Variants in DNAL1 observed in about 807,000 individuals in gnomAD.
DNAL1 encodes the protein dynein axonemal light chain 1.
Under a neutral mutation model 29.4 loss-of-function variants are expected in DNAL1, and 17 were observed. The observed-to-expected ratio is 0.58, with a 90% CI of 0.40 to 0.87. The LOEUF (loss-of-function observed/expected upper bound fraction) is 0.87. Ranked by LOEUF, DNAL1 falls within the 40% of genes least tolerant of loss-of-function variation. The pLI, the probability that DNAL1 is intolerant of heterozygous loss-of-function variation, is 0.00. For missense variants in DNAL1, 188 were observed against 214.1 expected (o/e 0.88, Z 0.76); for synonymous variants, 78 against 76.3 (o/e 1.02, Z -0.12).
At chr14:73,695,048 C>CTTTTTTTTTT (rs71112798) in intron 7 of DNAL1, among the ~76,000 whole-genome samples, 13 of 60,874 alleles carry the variant, frequency 2.1e-4, no homozygotes, top group African/African-American at 2.1e-4. Flanking sequence ...TACTTGTTGG[C>CTTTTTTTTTT]TTTTTTTTTT....
At chr14:73,685,052 A>C (rs1477581725) in intron 5 of DNAL1, among the ~76,000 whole-genome samples, 1 of 152,238 alleles carries the variant, frequency 6.6e-6, no homozygotes, top group Non-Finnish European at 1.5e-5. Flanking sequence ...CATAAATTTT[A>C]ATAGCTGAGA....
At position 73,695,923 on chromosome 14, in the gene DNAL1, A is replaced by G; in HGVS notation, c.554A>G (p.Asp185Gly). The G allele has an allele frequency of 3.8e-6, 6 of 1,589,446 alleles. No individual in the cohort carries two copies. Among genetic ancestry groups the G allele is most frequent in the South Asian group, 1.1e-5 (1 of 87,172 alleles). ...KLDGTPVIKG[D>G]EEEDN Reference sequence around the variant, plus strand: ...TTAGGTACTCCAGTAATTAAAGGGGATGAGGAAGAAGACAACTAATGCCAC... The same window carrying G: ...TTAGGTACTCCAGTAATTAAAGGGGGTGAGGAAGAAGACAACTAATGCCAC... Residue 185 changes from aspartate (D) to glycine (G), a missense_variant, in exon 8 of 8, where the codon GAT (aspartate) becomes GGT (glycine). Coordinates refer to ENST00000553645, the MANE Select transcript of DNAL1 (RefSeq NM_031427.4).
chr14:73,674,987 T>A (rs1026714915), intron 5 of DNAL1, among the ~76,000 whole-genome samples: 3 of 151,576 alleles, frequency 2.0e-5, no homozygotes, highest in Middle Eastern at 3.4e-3. Flanking sequence ...CTCAGCTAAT[T>A]TTTTTGTATT....
intron 1 of DNAL1, among the ~76,000 whole-genome samples, chr14:73,648,273 T>C (rs1253200100): frequency 1.4e-5 from 2 of 147,332 alleles, no homozygotes; most frequent in Admixed American, 6.7e-5. Context: ...CCACCGCGCC[T>C]GGCCAAGAGT....
In DNAL1 at chr14:73,702,960, GAAAA is replaced by G. The variant is rs986765374; in HGVS notation, c.*7025_*7028del. The G allele has an allele frequency of 1.4e-5, 2 of 146,422 alleles. No individual in the cohort carries two copies. The highest frequency in any genetic ancestry group is 6.8e-5 in the Admixed American group (1 of 14,644). The allele number at this position is 146,422 out of a possible 1,614,324, so 9.1% of individuals were successfully genotyped here. On this transcript the variant is annotated 3_prime_UTR_variant, in exon 8 of 8. Transcript: ENST00000553645. The stretch of plus-strand genomic sequence containing the variant: ...CCCCATCTCTACAAAAAAAAAAAAA[GAAAA>G]AAAAAATTAGTTGGGCATGGCAATG...
chr14:73,657,681 C>T lies in DNAL1; in HGVS notation c.43-1166C>T, dbSNP rs1024553762. On this transcript the variant is annotated intron_variant, in intron 2 of 7. Coordinates refer to ENST00000553645, the MANE Select transcript of DNAL1 (RefSeq NM_031427.4). ...CGATCTCAGCTCACTGCAACCTCTG[C>T]CTCCCGGGTTCAAGCAATTCTCCTG... 5.9e-5 allele frequency among the ~76,000 whole-genome samples: 9 copies of T among 152,338 alleles called. No individual in the cohort carries two copies. In the South Asian group the frequency reaches 1.7e-3, roughly 28 times the overall value.
At chr14:73,655,376 C>T (rs570429054) in intron 2 of DNAL1, among the ~76,000 whole-genome samples, 1 of 147,102 alleles carries the variant, frequency 6.8e-6, no homozygotes, top group South Asian at 2.1e-4. Flanking sequence ...CGGAGTTTCG[C>T]TCTTGTCGCC....
chr14:73,701,311 T>C lies in DNAL1; in HGVS notation c.*5369T>C. The C allele has an allele frequency of 6.6e-6, 1 of 152,222 alleles. No homozygotes were observed. The highest frequency in any genetic ancestry group is 1.9e-4 in the East Asian group (1 of 5,202). 9.4% of individuals were successfully genotyped at this position (152,222 alleles called of 1,614,324 possible). A position where few individuals can be genotyped will look rare whatever the true frequency, so the allele number is the denominator to read the frequency against. On this transcript the variant is annotated 3_prime_UTR_variant, in exon 8 of 8. Transcript: ENST00000553645. ...GACTTCCATAGGGCAGATGGGTAAA[T>C]ATCTAGCCTGCACTTGGATGTTAGA... is the stretch of plus-strand genomic sequence containing the variant.
intron 1 of DNAL1, among the ~76,000 whole-genome samples, chr14:73,652,084 C>T (rs1891124936): frequency 1.3e-5 from 2 of 152,094 alleles, no homozygotes; most frequent in Non-Finnish European, 2.9e-5. Context: ...GTCACCCAGG[C>T]TGAGTGCAGT....
intron 2 of DNAL1, among the ~76,000 whole-genome samples, chr14:73,657,846 C>T (rs759627642): frequency 5.1e-4 from 78 of 152,244 alleles, no homozygotes; most frequent in Non-Finnish European, 9.6e-4. Context: ...CCACCCTCCT[C>T]GGCCTCCCGA....
At chr14:73,682,337 A>AT (rs57403758) in intron 5 of DNAL1, among the ~76,000 whole-genome samples, 14,655 of 93,468 alleles carry the variant, frequency 0.16, 1,584 homozygotes, top group Non-Finnish European at 0.22. Flanking sequence ...TGCCTGGCTA[A>AT]TTTTTTTTTT....
In DNAL1 at chr14:73,649,274, G is replaced by A. The variant is rs375547618; in HGVS notation, c.3+4232G>A. On this transcript the variant is annotated intron_variant, in intron 1 of 7. Transcript: ENST00000553645. ...CAGGCATGAGCCACAGTGCCCGGCT[G>A]ATGTGTTTGACATTTTTTTTTTTTT... Among the ~76,000 whole-genome samples the A allele has an allele frequency of 8.4e-3, 1,239 of 148,376 alleles. 24 individuals carry two copies. The highest frequency in any genetic ancestry group is 0.029 in the African/African-American group (1,171 of 40,230).
intron 5 of DNAL1, among the ~76,000 whole-genome samples, chr14:73,685,942 G>T (rs1035447079): frequency 3.3e-4 from 50 of 152,194 alleles, no homozygotes; most frequent in Middle Eastern, 3.4e-3. Flanking sequence ...CTGAATATGT[G>T]CCCCGAAGTG....
intron 7 of DNAL1, 61 bp from the exon 8 acceptor site, chr14:73,695,841 T>TC: frequency 1.4e-6 from 2 of 1,437,594 alleles, no homozygotes; most frequent in Non-Finnish European, 9.5e-7. Context: ...GAAAATATTT[T>TC]CATCTAGAAT....
At chr14:73,652,897 G>C (rs1212302214) in intron 1 of DNAL1, among the ~76,000 whole-genome samples, 15 of 151,666 alleles carry the variant, frequency 9.9e-5, no homozygotes, top group Admixed American at 9.9e-4. Flanking sequence ...TTAACCCAAG[G>C]GTTGCTTATT....
At chr14:73,667,468 A>G (rs1263443887) in intron 4 of DNAL1, among the ~76,000 whole-genome samples, 1 of 152,040 alleles carries the variant, frequency 6.6e-6, no homozygotes, top group Non-Finnish European at 1.5e-5. Flanking sequence ...GAGTCTTGAT[A>G]TATTCCCCTA....
At position 73,703,452 on chromosome 14, in the gene DNAL1, T is replaced by G. The variant is rs2140074651; in HGVS notation, c.*7510T>G. ...CAAAAGAAGTAAAAATAGCCTTAAC[T>G]GATGACATTCCACCATTGTGATTTG... is the stretch of plus-strand genomic sequence containing the variant. On this transcript the variant is annotated 3_prime_UTR_variant, in exon 8 of 8. Coordinates refer to ENST00000553645, the MANE Select transcript of DNAL1 (RefSeq NM_031427.4). 1 of 152,328 alleles carries G rather than the reference T, an allele frequency of 6.6e-6. No individual in the cohort carries two copies. The highest frequency in any genetic ancestry group is 2.4e-5 in the African/African-American group (1 of 41,584). The allele number at this position is 152,328 out of a possible 1,614,324, so 9.4% of individuals were successfully genotyped here.
chr14:73,670,684 C>G (rs1891596679), intron 4 of DNAL1, among the ~76,000 whole-genome samples: 2 of 151,328 alleles, frequency 1.3e-5, no homozygotes, highest in South Asian at 4.2e-4. Context: ...TAGAAATAAC[C>G]TTTAAAAAAT....
chr14:73,691,374 A>C (rs1003248074), intron 7 of DNAL1, among the ~76,000 whole-genome samples: 5 of 151,970 alleles, frequency 3.3e-5, no homozygotes, highest in East Asian at 1.9e-4. Context: ...ACATGGTGAA[A>C]TCCTGTCTCT....
Sources: gnomAD v4.1 joint callset for allele counts (sites outside exome capture counted in the v4.1 genomes callset) on GRCh38, gnomAD v4.1.1 for gene constraint, MANE v1.5 for transcripts, NCBI Gene and HGNC (gene_info 2026-07-23, HGNC 2026-07-21) for gene names.